The following CHODL variants were observed in gnomAD, a reference collection of about 807,000 sequenced individuals.
The protein encoded by CHODL is chondrolectin, also known as transmembrane protein MT75.
CHODL carries 29 observed loss-of-function variants against 34.5 expected under a neutral mutation model. The ratio of observed to expected loss-of-function variants is 0.84; its 90% CI spans 0.63 to 1.15. The LOEUF (loss-of-function observed/expected upper bound fraction) is 1.15. Among genes scored for constraint, CHODL ranks in the 50% most tolerant of loss-of-function variants. CHODL has a pLI of 0.00. For missense variants in CHODL, 332 were observed against 332.5 expected (o/e 1.00, Z 0.01); for synonymous variants, 125 against 116.1 (o/e 1.08, Z -0.49).
At chr21:18,125,280 C>A (rs2065528265) in intron 2 of CHODL, among the ~76,000 whole-genome samples, 1 of 152,124 alleles carries the variant, frequency 6.6e-6, no homozygotes, top group South Asian at 2.1e-4. Flanking sequence ...TATTCAGTCA[C>A]CCATTCAGTA....
intron 2 of CHODL, among the ~76,000 whole-genome samples, chr21:18,188,807 T>C (rs963688591): frequency 1.4e-4 from 21 of 152,188 alleles, no homozygotes; most frequent in Non-Finnish European, 2.6e-4. Context: ...AATGGGGCAT[T>C]GCAAGGAATG....
intron 1 of CHODL, among the ~76,000 whole-genome samples, chr21:17,996,394 G>A (rs187789959): frequency 7.2e-5 from 11 of 152,236 alleles, no homozygotes; most frequent in Admixed American, 1.3e-4. Context: ...CTTGCCTCTG[G>A]ACTTATACAG....
chr21:18,141,502 C>T (rs923089614), intron 2 of CHODL, among the ~76,000 whole-genome samples: 2 of 151,742 alleles, frequency 1.3e-5, no homozygotes, highest in African/African-American at 4.8e-5. Context: ...TAGAAATGGG[C>T]AACACAGAAG....
intron 2 of CHODL, among the ~76,000 whole-genome samples, chr21:18,056,451 G>T (rs1345759486): frequency 6.7e-6 from 1 of 149,112 alleles, no homozygotes; most frequent in East Asian, 1.9e-4. Flanking sequence ...ACAATGATGT[G>T]CATTGGCATG....
At chr21:18,168,299 A>C (rs1212693900) in intron 2 of CHODL, among the ~76,000 whole-genome samples, 2 of 152,156 alleles carry the variant, frequency 1.3e-5, no homozygotes, top group African/African-American at 4.8e-5. Flanking sequence ...CAACTATCCT[A>C]TTAGGTCTGT....
chr21:18,005,815 A>T (rs1229871685), intron 1 of CHODL, among the ~76,000 whole-genome samples: 1 of 152,074 alleles, frequency 6.6e-6, no homozygotes, highest in East Asian at 1.9e-4. Flanking sequence ...GAAACAGCAC[A>T]CACTGGGGCC....
intron 2 of CHODL, among the ~76,000 whole-genome samples, chr21:18,037,623 A>T (rs139633181): frequency 6.6e-6 from 1 of 151,772 alleles, no homozygotes; most frequent in Admixed American, 6.6e-5. Context: ...GATACCATCA[A>T]AGAATTAAAT....
At chr21:18,189,823 C>T (rs959052949) in intron 2 of CHODL, among the ~76,000 whole-genome samples, 32 of 151,720 alleles carry the variant, frequency 2.1e-4, no homozygotes, top group African/African-American at 4.8e-4. Flanking sequence ...TTAGTAGAGA[C>T]GGGGTTTCAC....
intron 2 of CHODL, among the ~76,000 whole-genome samples, chr21:18,118,660 CT>C: frequency 6.6e-6 from 1 of 152,204 alleles, no homozygotes; most frequent in Non-Finnish European, 1.5e-5. Context: ...AAATAATTAA[CT>C]AAGGAAGGAA....
chr21:18,092,199 A>G (rs1273158489), intron 2 of CHODL, among the ~76,000 whole-genome samples: 1 of 152,186 alleles, frequency 6.6e-6, no homozygotes, highest in African/African-American at 2.4e-5. Context: ...GTAAGGGGAA[A>G]AAAAAATCCC....
intron 1 of CHODL, among the ~76,000 whole-genome samples, chr21:17,942,283 C>A (rs1204589064): frequency 6.6e-6 from 1 of 152,078 alleles, no homozygotes; most frequent in African/African-American, 2.4e-5. Flanking sequence ...CCCACAATTC[C>A]CACATGTTGT....
intron 2 of CHODL, among the ~76,000 whole-genome samples, chr21:18,214,357 A>G (rs1274235323): frequency 6.6e-6 from 1 of 152,084 alleles, no homozygotes; most frequent in African/African-American, 2.4e-5. Flanking sequence ...AGTTTGTTCC[A>G]TATTTTTCCT....
At chr21:18,197,572 C>T (rs909856320) in intron 2 of CHODL, among the ~76,000 whole-genome samples, 1 of 152,174 alleles carries the variant, frequency 6.6e-6, no homozygotes, top group African/African-American at 2.4e-5. Flanking sequence ...GCCAGGATTG[C>T]ACCACTGCAC....
chr21:18,131,302 A>G (rs2072651736), intron 2 of CHODL, among the ~76,000 whole-genome samples: 1 of 152,144 alleles, frequency 6.6e-6, no homozygotes, highest in Non-Finnish European at 1.5e-5. Context: ...GTCTCAACAT[A>G]TAAATCTGGG....
chr21:18,076,483 G>T (rs2064868432), intron 2 of CHODL, among the ~76,000 whole-genome samples: 1 of 152,136 alleles, frequency 6.6e-6, no homozygotes, highest in Non-Finnish European at 1.5e-5. Flanking sequence ...TCTCTTGATG[G>T]CTTTTAGTAA....
chr21:18,265,891 C>T (rs546100985), intron 5 of CHODL, 63 bp from the exon 6 acceptor site: 21 of 1,313,428 alleles, frequency 1.6e-5, no homozygotes, highest in South Asian at 1.6e-4. Flanking sequence ...TCCCTTTGGA[C>T]GTAGACATGC....
chr21:18,079,538 C>T (rs1016952744), intron 2 of CHODL, among the ~76,000 whole-genome samples: 1 of 148,282 alleles, frequency 6.7e-6, no homozygotes, highest in Admixed American at 6.8e-5. Flanking sequence ...TATATATATA[C>T]CATATGTATG....
intron 1 of CHODL, among the ~76,000 whole-genome samples, chr21:18,003,306 C>G (rs936981671): frequency 6.6e-6 from 1 of 151,378 alleles, no homozygotes; most frequent in South Asian, 2.1e-4. Flanking sequence ...TAGTAAAAAA[C>G]CTTTTCACTT....
At chr21:18,106,344 G>A (rs933799099) in intron 2 of CHODL, among the ~76,000 whole-genome samples, 1 of 152,072 alleles carries the variant, frequency 6.6e-6, no homozygotes, top group African/African-American at 2.4e-5. Flanking sequence ...TGTACTGACC[G>A]AGGCTGTGAG....
Sources: gnomAD v4.1 joint callset for allele counts (sites outside exome capture counted in the v4.1 genomes callset) on GRCh38, gnomAD v4.1.1 for gene constraint, MANE v1.5 for transcripts, NCBI Gene and HGNC (gene_info 2026-07-23, HGNC 2026-07-21) for gene names.